Variants in GUCY2F observed in about 807,000 individuals in gnomAD.
GUCY2F encodes guanylate cyclase 2F, retinal.
In GUCY2F, 61 loss-of-function variants were observed where a neutral mutation model predicts 73.1. That is an observed-to-expected ratio of 0.83 (90% CI 0.68 to 1.03). GUCY2F has a LOEUF of 1.03. Ranked by LOEUF, GUCY2F falls within the 50% of genes least tolerant of loss-of-function variation. The pLI, the probability that GUCY2F is intolerant of heterozygous loss-of-function variation, is 0.00. For synonymous variants in GUCY2F, 331 were observed against 307.8 expected, an observed-to-expected ratio of 1.08 and a Z score of -0.79; for missense variants, 912 against 854.3, an observed-to-expected ratio of 1.07 and a Z score of -0.84.
chrX:109,374,023 A>G (rs1293173725), intron 19 of GUCY2F, among the ~76,000 whole-genome samples: 2 of 112,123 alleles, frequency 1.8e-5, no homozygotes, highest in African/African-American at 6.5e-5. Context: ...TTTCCTCAAC[A>G]TCTCTTATGA....
chrX:109,404,334 T>C lies in GUCY2F; in HGVS notation c.2119A>G (p.Met707Val), dbSNP rs369527738. ...GGTACAATTCATTGCTTACCTTCCA[T>C]AGAAGATTCCTCTTCAGAGAGTCTC... ...MLRLSEEESSMEELLWTAPEL... is the reference protein window; with the variant it reads ...MLRLSEEESSVEELLWTAPEL... Residue 707 changes from methionine (M) to valine (V), a missense_variant, in exon 10 of 20, where the codon ATG (methionine) becomes GTG (valine). By Grantham distance (21) the Met-to-Val change is conservative. Transcript: ENST00000218006. 5 of 1,189,446 alleles carry C rather than the reference T, an allele frequency of 4.2e-6. No individual in the cohort carries two copies. The highest frequency in any genetic ancestry group is 3.0e-5 in the East Asian group (1 of 33,601).
chrX:109,382,348 G>A (rs1399589365), intron 16 of GUCY2F, 136 bp from the exon 17 acceptor site: 2 of 450,941 alleles, frequency 4.4e-6, no homozygotes, highest in Non-Finnish European at 7.9e-6. Flanking sequence ...TTTACTTAGG[G>A]TTTCACAAGA....
Position 109,464,690 on chromosome X carries a change from G to C in GUCY2F, c.1032+452C>G, listed in dbSNP as rs767075648. On this transcript the variant is annotated intron_variant, in intron 3 of 19. Coordinates refer to ENST00000218006, the MANE Select transcript of GUCY2F (RefSeq NM_001522.3). ...GAAGTTTGTTTAATCCTTGGGTTCA[G>C]TATTGGGAAGCTCAAATGCCTACAG... 2.7e-5 allele frequency among the ~76,000 whole-genome samples: 3 copies of C among 112,583 alleles called. No individual in the cohort carries two copies. The East Asian group carries it at 8.4e-4, about 31-fold the overall frequency.
rs765538448 is a variant in GUCY2F, at chrX:109,393,047, AG to A, written c.2432del (p.Thr811IlefsTer28). 9.4e-7 allele frequency: 1 copy of A among 1,063,587 alleles called. No individual in the cohort carries two copies. The highest frequency in any genetic ancestry group is 1.3e-6 in the Non-Finnish European group (1 of 768,818). The allele number at this position is 1,063,587 out of a possible 1,213,427, so 87.7% of individuals were successfully genotyped here. A position where few individuals can be genotyped will look rare whatever the true frequency, so the allele number is the denominator to read the frequency against. ...TATTGGTCTTCTTCCCTTTATTAAA[AG>A]TTTTAAACTGGAAGTAAAATAGAAA... ...TFDEIFNQFKTFNKGKKTNII... is the reference protein window; with the variant it reads ...TFDEIFNQFKXFNKGKKTNII... On this transcript the variant is annotated frameshift_variant, in exon 13 of 20. Transcript: ENST00000218006. LOFTEE classifies it high-confidence loss of function.
chrX:109,379,995 C>T (rs1458934837), intron 17 of GUCY2F, among the ~76,000 whole-genome samples: 2 of 111,996 alleles, frequency 1.8e-5, no homozygotes, highest in Non-Finnish European at 3.8e-5. Context: ...CCTCTCTCAC[C>T]CAATTAATCC....
intron 3 of GUCY2F, among the ~76,000 whole-genome samples, chrX:109,459,481 G>T: frequency 9.0e-6 from 1 of 111,404 alleles, no homozygotes; most frequent in East Asian, 2.8e-4. Flanking sequence ...AGGTGCAGAC[G>T]TCTATAGGAA....
chrX:109,374,773 GGTGTCA>G (rs1157223791), intron 19 of GUCY2F, among the ~76,000 whole-genome samples: 2 of 111,957 alleles, frequency 1.8e-5, no homozygotes, highest in East Asian at 5.6e-4. Flanking sequence ...CCTGGCCCCA[GGTGTCA>G]GTGAGTCAGA....
At chrX:109,415,001 T>C (rs1931207058) in intron 8 of GUCY2F, among the ~76,000 whole-genome samples, 2 of 111,018 alleles carry the variant, frequency 1.8e-5, no homozygotes, top group Non-Finnish European at 3.8e-5. Context: ...TAAAAATGAT[T>C]ATAGGGACAT....
At chrX:109,437,153 CT>C (rs1931771340) in intron 7 of GUCY2F, among the ~76,000 whole-genome samples, 1 of 111,264 alleles carries the variant, frequency 9.0e-6, no homozygotes, top group South Asian at 3.8e-4. Context: ...CCTCTTTAAC[CT>C]CTTTAGTCAG....
intron 3 of GUCY2F, among the ~76,000 whole-genome samples, chrX:109,459,310 T>C (rs1009910280): frequency 3.3e-4 from 37 of 111,540 alleles, no homozygotes; most frequent in African/African-American, 1.2e-3. Flanking sequence ...GAATTACTGA[T>C]AAGCAACAAG....
At position 109,392,045 on chromosome X, in the gene GUCY2F, C is replaced by T; in HGVS notation, c.2647G>A (p.Val883Ile). The T allele has an allele frequency of 8.3e-7, 1 of 1,209,493 alleles. No homozygotes were observed. The highest frequency in any genetic ancestry group is 1.1e-6 in the Non-Finnish European group (1 of 894,085). The change falls in exon 14 of 20, where the codon GTC (valine) becomes ATC (isoleucine). Residue 883 changes from valine to isoleucine, a missense_variant. By Grantham distance (29) the Val-to-Ile change is conservative. Coordinates refer to ENST00000218006, the MANE Select transcript of GUCY2F (RefSeq NM_001522.3). ...CTVEPEGFDLVTLYFSDIVGF... is the reference protein window; with the variant it reads ...CTVEPEGFDLITLYFSDIVGF... Reference sequence around the variant, plus strand: ...ACAATGTCGCTGAAGTACAAGGTGACCAAGTCAAAGCCCTCAGGTTCAACT... The same window carrying T: ...ACAATGTCGCTGAAGTACAAGGTGATCAAGTCAAAGCCCTCAGGTTCAACT...
chrX:109,457,061 T>C (rs1038975135), intron 3 of GUCY2F, among the ~76,000 whole-genome samples: 2 of 112,048 alleles, frequency 1.8e-5, no homozygotes, highest in African/African-American at 3.2e-5. Context: ...TCCAAAATGG[T>C]GAGACCACTG....
chrX:109,479,098 G>C (rs990630350), intron 1 of GUCY2F, among the ~76,000 whole-genome samples: 1 of 110,629 alleles, frequency 9.0e-6, no homozygotes, highest in African/African-American at 3.3e-5. Flanking sequence ...CCTAGCCCTG[G>C]GACTGCCCAC....
Position 109,382,174 on chromosome X carries a change from G to A in GUCY2F, c.3094C>T (p.Leu1032Phe), listed in dbSNP as rs765026247. The change falls in exon 17 of 20, where the codon CTT (leucine) becomes TTT (phenylalanine). Residue 1032 changes from leucine (L) to phenylalanine (F), a missense_variant. Transcript: ENST00000218006. ...TCATAGCCCTCACTCAGATTTTGAA[G>A]AATTGTAACAGTGCTGAGACTGACA... ...IHVSLSTVTI[L>F]QNLSEGYEVE... 8.4e-7 allele frequency: 1 copy of A among 1,187,004 alleles called. No homozygotes were observed. The highest frequency in any genetic ancestry group is 2.2e-5 in the Admixed American group (1 of 45,988).
intron 8 of GUCY2F, among the ~76,000 whole-genome samples, chrX:109,417,838 A>G (rs762113425): frequency 8.9e-6 from 1 of 111,775 alleles, no homozygotes; most frequent in Non-Finnish European, 1.9e-5. Flanking sequence ...TAAATTGGCT[A>G]TGTTATTATT....
intron 5 of GUCY2F, among the ~76,000 whole-genome samples, chrX:109,448,716 C>T (rs776999652): frequency 5.9e-4 from 66 of 112,202 alleles, no homozygotes; most frequent in Non-Finnish European, 1.1e-3. Flanking sequence ...GCCCATAAGA[C>T]ACTTGTCTTG....
intron 17 of GUCY2F, among the ~76,000 whole-genome samples, chrX:109,380,897 C>T (rs145336754): frequency 0.012 from 1,321 of 112,169 alleles, 23 homozygotes; most frequent in African/African-American, 0.04. Flanking sequence ...CATTTCTACT[C>T]CTCTGTTGAA....
intron 9 of GUCY2F, among the ~76,000 whole-genome samples, chrX:109,405,364 TAA>T (rs960686474): frequency 8.9e-6 from 1 of 111,732 alleles, no homozygotes; most frequent in African/African-American, 3.3e-5. Flanking sequence ...GTTTTACACT[TAA>T]TATATTATTT....
At chrX:109,404,635 C>G (rs1219797162) in intron 9 of GUCY2F, 151 bp from the exon 10 acceptor site, 1 of 436,215 alleles carries the variant, frequency 2.3e-6, no homozygotes, top group East Asian at 3.8e-5. Flanking sequence ...CCTTTGACAA[C>G]CTGAGTCAGT....
Sources: allele counts gnomAD v4.1 joint callset (sites outside exome capture counted in the v4.1 genomes callset), GRCh38; gene constraint gnomAD v4.1.1; transcripts MANE v1.5; gene names NCBI Gene and HGNC (gene_info 2026-07-23, HGNC 2026-07-21).